Variants in BCL11A observed in about 807,000 individuals in gnomAD.
BCL11A encodes B cell CLL/lymphoma 11A.
A neutral mutation model predicts 55.9 loss-of-function variants in BCL11A; 2 were observed. The ratio of observed to expected loss-of-function variants is 0.04; its 90% CI spans 0.01 to 0.11. The LOEUF (loss-of-function observed/expected upper bound fraction) is 0.11, where lower values mean the gene tolerates loss of function less well. Among genes scored for constraint, BCL11A ranks in the 10% least tolerant of loss-of-function variants. The pLI is 1.00. For synonymous variants in BCL11A, 465 were observed against 473.4 expected (o/e 0.98, Z 0.23); for missense variants, 817 against 1,137.1 (o/e 0.72, Z 4.05).
intron 2 of BCL11A, among the ~76,000 whole-genome samples, chr2:60,517,797 T>C (rs886814844): frequency 6.6e-6 from 1 of 152,236 alleles, no homozygotes; most frequent in Admixed American, 6.5e-5. Context: ...GGGTTAATGA[T>C]ATGACTTCAC....
intron 2 of BCL11A, chr2:60,522,126 T>C (rs1669022900): frequency 1.3e-5 from 2 of 152,186 alleles, no homozygotes; most frequent in African/African-American, 4.8e-5. Context: ...TCTGGAAAAA[T>C]CTCAAATACT....
rs1676087423 is a variant in BCL11A, at chr2:60,459,031, A to C, written c.*1373T>G. The C allele has an allele frequency of 9.8e-7, 1 of 1,018,572 alleles. No individual in the cohort carries two copies. Among genetic ancestry groups the C allele is most frequent in the Non-Finnish European group, 1.2e-6 (1 of 847,222 alleles). The allele number at this position is 1,018,572 out of a possible 1,614,324, so 63.1% of individuals were successfully genotyped here. A position where few individuals can be genotyped will look rare whatever the true frequency, so the allele number is the denominator to read the frequency against. On this transcript the variant is annotated 3_prime_UTR_variant, in exon 4 of 4. Transcript: ENST00000642384. Reference sequence around the variant, plus strand: ...TTTTAAGAATGTCACATTTAAATGCAAGTCTTAAGAATTCATAGTTAATCA... The same window carrying C: ...TTTTAAGAATGTCACATTTAAATGCCAGTCTTAAGAATTCATAGTTAATCA...
chr2:60,472,543 T>C (rs1184698845), intron 2 of BCL11A, among the ~76,000 whole-genome samples: 2 of 152,188 alleles, frequency 1.3e-5, no homozygotes, highest in Non-Finnish European at 2.9e-5. Context: ...AAATAGTGAC[T>C]CTTATTTTTC....
chr2:60,540,882 T>C (rs1007313044), intron 2 of BCL11A, among the ~76,000 whole-genome samples: 5 of 151,816 alleles, frequency 3.3e-5, no homozygotes, highest in Non-Finnish European at 7.4e-5. Flanking sequence ...AGATCCTTTA[T>C]AGTAAAGGCA....
intron 2 of BCL11A, among the ~76,000 whole-genome samples, chr2:60,498,790 C>G (rs1463050079): frequency 1.3e-5 from 2 of 152,192 alleles, no homozygotes; most frequent in African/African-American, 4.8e-5. Context: ...CTCTGAGGAG[C>G]TAGAGACTTG....
intron 2 of BCL11A, among the ~76,000 whole-genome samples, chr2:60,516,946 A>C (rs1461912303): frequency 1.3e-5 from 2 of 152,242 alleles, no homozygotes; most frequent in Non-Finnish European, 2.9e-5. Flanking sequence ...TAATAGATCC[A>C]TGAGTTCAGG....
At chr2:60,469,759 G>T (rs190368879) in intron 2 of BCL11A, among the ~76,000 whole-genome samples, 1 of 152,178 alleles carries the variant, frequency 6.6e-6, no homozygotes. Flanking sequence ...CGGTTTATGT[G>T]GTAAGTGCCT....
chr2:60,553,422 A>T lies in BCL11A; in HGVS notation c.-152T>A. ...TTGACATCCAAAATAAATTAGAAAT[A>T]ATACAAAGATGGCGCAGGGAAGATG... On this transcript the variant is annotated 5_prime_UTR_variant, in exon 1 of 4. Coordinates refer to ENST00000642384, the MANE Select transcript of BCL11A (RefSeq NM_022893.4). 1 of 664,864 alleles carries T rather than the reference A, an allele frequency of 1.5e-6. No individual in the cohort carries two copies. The highest frequency in any genetic ancestry group is 2.4e-6 in the Non-Finnish European group (1 of 409,306). The allele number at this position is 664,864 out of a possible 1,614,324, so 41.2% of individuals were successfully genotyped here.
intron 2 of BCL11A, chr2:60,495,693 G>C (rs908204551): frequency 1.3e-5 from 2 of 152,344 alleles, no homozygotes; most frequent in Middle Eastern, 3.4e-3. Context: ...CCTGTGGTTT[G>C]AGAGTTTGGA....
intron 2 of BCL11A, among the ~76,000 whole-genome samples, chr2:60,508,340 G>C (rs1432216423): frequency 6.6e-6 from 1 of 152,162 alleles, no homozygotes; most frequent in Non-Finnish European, 1.5e-5. Context: ...TGGGTGTGCA[G>C]AATTACACCC....
chr2:60,461,521 T>G lies in BCL11A; in HGVS notation c.1391A>C (p.Lys464Thr), dbSNP rs774539571. 5 of 1,607,950 alleles carry G rather than the reference T, an allele frequency of 3.1e-6. No individual in the cohort carries two copies. In the South Asian group the frequency reaches 5.5e-5, roughly 18 times the overall value. ...GCTCTTGAACTTGGCCACCACGGAC[T>G]TGAGCGCGCTGCTGGCGCTGCCCAC... ...DLVGSASSALKSVVAKFKSEN... is the reference protein window; with the variant it reads ...DLVGSASSALTSVVAKFKSEN... The change falls in exon 4 of 4, where the codon AAG (lysine) becomes ACG (threonine). Residue 464 changes from lysine (K) to threonine (T), a missense_variant. Physicochemically the swap from Lys to Thr is moderately conservative, Grantham distance 78 (BLOSUM62 -1). Around this residue, in one of 4 missense-constraint regions of BCL11A, gnomAD observed 379 missense variants for 425.3 expected, o/e 0.89. Transcript: ENST00000642384.
chr2:60,461,020 G>A lies in BCL11A; in HGVS notation c.1892C>T (p.Pro631Leu), dbSNP rs562257210. 3.1e-6 allele frequency: 5 copies of A among 1,607,878 alleles called. No individual in the cohort carries two copies. The highest frequency in any genetic ancestry group is 4.3e-6 in the Non-Finnish European group (5 of 1,176,452). ...CTCGAGCTTGATGCGCTTAGAGAAG[G>A]GGCTCAGCGAGCTGGGGCTGCCCAG... is the stretch of plus-strand genomic sequence containing the variant. ...LLLGSPSSLS[P>L]FSKRIKLEKE... The change falls in exon 4 of 4, where the codon CCC (proline) becomes CTC (leucine). Residue 631 changes from proline to leucine, a missense_variant. By Grantham distance (98) the Pro-to-Leu change is moderately conservative (BLOSUM62 -3). Around this residue, in one of 4 missense-constraint regions of BCL11A, gnomAD observed 379 missense variants for 425.3 expected, o/e 0.89. Transcript: ENST00000642384.
At position 60,458,951 on chromosome 2, in the gene BCL11A, C is replaced by G. The variant is rs1037743320; in HGVS notation, c.*1453G>C. 8 of 1,033,858 alleles carry G rather than the reference C, an allele frequency of 7.7e-6. No individual in the cohort carries two copies. The African/African-American group carries it at 1.2e-4, about 15-fold the overall frequency. 64.0% of individuals were successfully genotyped at this position (1,033,858 alleles called of 1,614,324 possible). ...TGTATGGAAAAGAAATGAAGTACAA[C>G]TTTTAGGGAGCACAGACATATATAC... On this transcript the variant is annotated 3_prime_UTR_variant, in exon 4 of 4. Transcript: ENST00000642384.
At chr2:60,468,415 C>T (rs1314786216) in intron 3 of BCL11A, among the ~76,000 whole-genome samples, 2 of 152,048 alleles carry the variant, frequency 1.3e-5, no homozygotes, top group African/African-American at 4.8e-5. Flanking sequence ...AGTGAATGTC[C>T]AGTAATAAAA....
At chr2:60,498,299 G>C (rs1198182597) in intron 2 of BCL11A, among the ~76,000 whole-genome samples, 1 of 151,918 alleles carries the variant, frequency 6.6e-6, no homozygotes, top group Non-Finnish European at 1.5e-5. Context: ...GACACTGAAG[G>C]CTGGGCACAG....
At chr2:60,510,261 A>G (rs747708372) in intron 2 of BCL11A, among the ~76,000 whole-genome samples, 8 of 152,138 alleles carry the variant, frequency 5.3e-5, no homozygotes, top group Non-Finnish European at 8.8e-5. Flanking sequence ...ACGTCCTTCA[A>G]GGAGCCAGCT....
chr2:60,467,259 T>C (rs1676744062), intron 3 of BCL11A, among the ~76,000 whole-genome samples: 3 of 111,804 alleles, frequency 2.7e-5, no homozygotes, highest in South Asian at 6.5e-4. Flanking sequence ...GTAATGGTGG[T>C]GGTGGTGATG....
At chr2:60,541,636 A>G (rs1404226267) in intron 2 of BCL11A, 2 of 339,886 alleles carry the variant, frequency 5.9e-6, no homozygotes. Flanking sequence ...CCTCACAAAC[A>G]TAGGCTCCCT....
intron 2 of BCL11A, among the ~76,000 whole-genome samples, chr2:60,514,565 G>A (rs1427826089): frequency 2.0e-5 from 3 of 151,504 alleles, no homozygotes; most frequent in Non-Finnish European, 2.9e-5. Context: ...CTACTTGGGA[G>A]GCTGAGGCAG....
Sources: gnomAD v4.1 joint callset for allele counts (sites outside exome capture counted in the v4.1 genomes callset) on GRCh38, gnomAD v4.1.1 for gene constraint, gnomAD v4.1.1 regional missense constraint, MANE v1.5 for transcripts, NCBI Gene and HGNC (gene_info 2026-07-23, HGNC 2026-07-21) for gene names.